Variants in RASGRP1 observed in about 807,000 individuals in gnomAD.
The protein encoded by RASGRP1 is RAS guanyl-releasing protein 1.
Under a neutral mutation model 95.1 loss-of-function variants are expected in RASGRP1, and 37 were observed. The observed-to-expected ratio is 0.39, with a 90% CI of 0.30 to 0.51. The LOEUF (loss-of-function observed/expected upper bound fraction) is 0.51. Among genes scored for constraint, RASGRP1 ranks in the 20% least tolerant of loss-of-function variants. The pLI, the probability that RASGRP1 is intolerant of heterozygous loss-of-function variation, is 0.80. For missense variants in RASGRP1, 711 were observed against 965.4 expected (o/e 0.74, Z 3.49); for synonymous variants, 325 against 353.4 (o/e 0.92, Z 0.90).
chr15:38,535,616 C>T (rs1002591022), intron 2 of RASGRP1, among the ~76,000 whole-genome samples: 3 of 152,220 alleles, frequency 2.0e-5, no homozygotes, highest in African/African-American at 4.8e-5. Context: ...AGCAGAAGCA[C>T]TCTCTACTGC....
Position 38,503,328 on chromosome 15 carries a change from C to T in RASGRP1, c.1372G>A (p.Val458Met). The T allele has an allele frequency of 6.2e-7, 1 of 1,612,782 alleles. No individual in the cohort carries two copies. Among genetic ancestry groups the T allele is most frequent in the Non-Finnish European group, 8.5e-7 (1 of 1,179,452 alleles). The change falls in exon 11 of 17, where the codon GTG becomes ATG. Residue 458 changes from valine (V) to methionine (M), a missense_variant. Physicochemically the swap from Val to Met is conservative, Grantham distance 21. This residue lies in a region of RASGRP1 where 491 missense variants were observed against 676.6 expected (regional missense o/e 0.73). Transcript: ENST00000310803. ...PPVVVDWASG[V>M]SPKPDPKTIS... ...GTTTTTGGATCAGGTTTGGGAGACA[C>T]TCCAGAAGCCCAGTCCACTACTACT...
chr15:38,495,320 T>C (rs1457382544), intron 15 of RASGRP1, among the ~76,000 whole-genome samples: 1 of 152,208 alleles, frequency 6.6e-6, no homozygotes, highest in Non-Finnish European at 1.5e-5. Flanking sequence ...AGGAAAAAGG[T>C]AAGTTACTCT....
rs1243136189 is a variant in RASGRP1, at chr15:38,559,854, C to T, written c.187G>A (p.Asp63Asn). 4.3e-6 allele frequency: 7 copies of T among 1,614,006 alleles called. No homozygotes were observed. The highest frequency in any genetic ancestry group is 5.9e-6 in the Non-Finnish European group (7 of 1,179,890). ...TGAATGCAGCTGTCAATGAGATCGT[C>T]CAGGCTGGCTCCTTTGGCTAAATGT... The part of the protein sequence containing the change: ...LGHLAKGASL[D>N]DLIDSCIQSF... The change falls in exon 2 of 17, where the codon GAC (aspartate) becomes AAC (asparagine). Residue 63 changes from aspartate to asparagine, a missense_variant. By Grantham distance (23) the Asp-to-Asn change is conservative (BLOSUM62 1). This residue lies in a region of RASGRP1 where 491 missense variants were observed against 676.6 expected (regional missense o/e 0.73). Coordinates refer to ENST00000310803, the MANE Select transcript of RASGRP1 (RefSeq NM_005739.4).
Position 38,507,959 on chromosome 15 carries a change from A to C in RASGRP1, c.1009T>G (p.Tyr337Asp). ...CCATAGGCTCGCCGGTAATTGTCGT[A>C]GTTTCTGGAGGAGGACAGCAGCTCA... ...MTELLSSSRNYDNYRRAYGEC... is the reference protein window; with the variant it reads ...MTELLSSSRNDDNYRRAYGEC... Residue 337 changes from tyrosine to aspartate, a missense_variant, in exon 9 of 17, where the codon TAC (tyrosine) becomes GAC (aspartate). Physicochemically the swap from Tyr to Asp is radical, Grantham distance 160. Transcript: ENST00000310803. 1.9e-6 allele frequency: 3 copies of C among 1,610,086 alleles called. No individual in the cohort carries two copies.
At chr15:38,559,793 T>C (rs751760914) in intron 2 of RASGRP1, 28 bp downstream of exon 2, 1 of 1,592,644 alleles carries the variant, frequency 6.3e-7, no homozygotes, top group South Asian at 1.1e-5. Flanking sequence ...GAGTGATTTT[T>C]ATGCCTGTGG....
chr15:38,543,603 T>C (rs1892987969), intron 2 of RASGRP1, among the ~76,000 whole-genome samples: 2 of 148,982 alleles, frequency 1.3e-5, no homozygotes, highest in South Asian at 2.1e-4. Context: ...CTCTGAGATA[T>C]TGACCTGTCA....
chr15:38,563,740 G>C (rs906740845), intron 1 of RASGRP1, among the ~76,000 whole-genome samples: 2 of 152,182 alleles, frequency 1.3e-5, no homozygotes, highest in East Asian at 1.9e-4. Flanking sequence ...CGTGCATACA[G>C]GGCCAAGAAT....
At chr15:38,516,484 G>C (rs1891791167) in intron 5 of RASGRP1, 134 bp from the exon 6 acceptor site, 1 of 1,110,392 alleles carries the variant, frequency 9.0e-7, no homozygotes, top group Non-Finnish European at 1.3e-6. Flanking sequence ...TGCCAAAACA[G>C]TGCATTCACA....
Position 38,512,776 on chromosome 15 carries a change from T to TGA in RASGRP1, c.849+6_849+7insTC, listed in dbSNP as rs1891588599. On this transcript the variant is annotated splice_region_variant and intron_variant, in intron 7 of 16. Coordinates refer to ENST00000310803, the MANE Select transcript of RASGRP1 (RefSeq NM_005739.4). ...CCCAAGCCAAATGTCTTAAACCAGTTATTCACCTGAGCCACCTGGATGAAC... is the reference window on the plus strand; with the variant it reads ...CCCAAGCCAAATGTCTTAAACCAGTTGAATTCACCTGAGCCACCTGGATGAAC... The TGA allele has an allele frequency of 6.2e-7, 1 of 1,613,436 alleles. No homozygotes were observed. The highest frequency in any genetic ancestry group is 1.1e-5 in the South Asian group (1 of 91,072).
At chr15:38,550,084 C>T (rs1893269953) in intron 2 of RASGRP1, among the ~76,000 whole-genome samples, 1 of 151,360 alleles carries the variant, frequency 6.6e-6, no homozygotes, top group South Asian at 2.1e-4. Flanking sequence ...ATGGTGAAAC[C>T]CCATCTCTAC....
intron 8 of RASGRP1, among the ~76,000 whole-genome samples, chr15:38,510,974 GAAAC>G (rs1232492241): frequency 4.6e-5 from 7 of 152,058 alleles, no homozygotes; most frequent in African/African-American, 7.2e-5. Context: ...ATAAAAAAGA[GAAAC>G]AAGCAAAACA....
intron 10 of RASGRP1, 106 bp downstream of exon 10, chr15:38,505,734 T>G (rs1891229608): frequency 2.3e-6 from 2 of 861,394 alleles, no homozygotes; most frequent in South Asian, 3.0e-5. Flanking sequence ...AGAAAAACAG[T>G]ACATGTATTA....
At chr15:38,546,509 G>A (rs1893111611) in intron 2 of RASGRP1, among the ~76,000 whole-genome samples, 1 of 152,146 alleles carries the variant, frequency 6.6e-6, no homozygotes, top group Non-Finnish European at 1.5e-5. Flanking sequence ...GATTACAGGC[G>A]TGAGCCACCG....
At chr15:38,542,884 CACATATATGTGTATATATAT>C (rs1566933482) in intron 2 of RASGRP1, among the ~76,000 whole-genome samples, 5 of 130,548 alleles carry the variant, frequency 3.8e-5, no homozygotes, top group Non-Finnish European at 8.1e-5. Context: ...TATATATATA[CACATATATGTGTATATATAT>C]ACACATATAT....
chr15:38,503,084 A>G, intron 11 of RASGRP1, 188 bp downstream of exon 11: 1 of 596,074 alleles, frequency 1.7e-6, no homozygotes, highest in Non-Finnish European at 3.0e-6. Flanking sequence ...AACTGCCTTC[A>G]TATGAGTCCA....
intron 15 of RASGRP1, among the ~76,000 whole-genome samples, chr15:38,498,333 T>A (rs80207523): frequency 0.07 from 10,612 of 152,266 alleles, 529 homozygotes; most frequent in East Asian, 0.17. Context: ...AGTACATGTG[T>A]AACCTTGAGA....
At chr15:38,500,234 C>T in intron 13 of RASGRP1, 95 bp from the exon 14 acceptor site, 2 of 1,302,142 alleles carry the variant, frequency 1.5e-6, no homozygotes, top group South Asian at 2.5e-5. Flanking sequence ...ATTTTACTCT[C>T]TAGCTCAAGT....
intron 15 of RASGRP1, among the ~76,000 whole-genome samples, chr15:38,495,994 AAG>A (rs1890779541): frequency 6.6e-6 from 1 of 152,200 alleles, no homozygotes; most frequent in Non-Finnish European, 1.5e-5. Context: ...AGAAAGCAGT[AAG>A]AACAAAAAGC....
At chr15:38,560,367 A>G (rs1893754398) in intron 1 of RASGRP1, 1 of 260,046 alleles carries the variant, frequency 3.8e-6, no homozygotes, top group Admixed American at 5.1e-5. Flanking sequence ...TGAATCTTAA[A>G]AATTATTTAC....
Sources: allele counts gnomAD v4.1 joint callset (sites outside exome capture counted in the v4.1 genomes callset), GRCh38; gene constraint gnomAD v4.1.1; regional missense constraint gnomAD v4.1.1; transcripts MANE v1.5; gene names NCBI Gene and HGNC (gene_info 2026-07-23, HGNC 2026-07-21).